Variants in GPC5 observed in about 807,000 individuals in gnomAD.
The protein encoded by GPC5 is glypican 5.
GPC5 carries 47 observed loss-of-function variants against 53.9 expected under a neutral mutation model. The ratio of observed to expected loss-of-function variants is 0.87; its 90% confidence interval spans 0.69 to 1.11. GPC5 has a LOEUF of 1.11. Among genes scored for constraint, GPC5 ranks in the 50% most tolerant of loss-of-function variants. GPC5 has a pLI of 0.00. For missense variants in GPC5, 748 were observed against 713.1 expected, an observed-to-expected ratio of 1.05 and a Z score of -0.56; for synonymous variants, 286 against 263.3, an observed-to-expected ratio of 1.09 and a Z score of -0.84.
intron 7 of GPC5, among the ~76,000 whole-genome samples, chr13:92,585,340 G>A (rs2139059181): frequency 6.6e-6 from 1 of 152,338 alleles, no homozygotes; most frequent in African/African-American, 2.4e-5. Context: ...TGGAGTCAAA[G>A]GAGATCATTT....
At chr13:91,443,935 A>G (rs1253582503) in intron 1 of GPC5, among the ~76,000 whole-genome samples, 6 of 152,216 alleles carry the variant, frequency 3.9e-5, no homozygotes, top group Non-Finnish European at 7.4e-5. Flanking sequence ...GAATTAGAAC[A>G]TTCCAAAATT....
intron 7 of GPC5, among the ~76,000 whole-genome samples, chr13:92,235,188 A>G (rs560589377): frequency 6.6e-6 from 1 of 152,050 alleles, no homozygotes; most frequent in Non-Finnish European, 1.5e-5. Flanking sequence ...CAGGATCTCT[A>G]TTTCTGCTAC....
At chr13:92,810,143 T>C (rs949393192) in intron 7 of GPC5, among the ~76,000 whole-genome samples, 2 of 152,064 alleles carry the variant, frequency 1.3e-5, no homozygotes, top group South Asian at 2.1e-4. Context: ...ATGGAGGTTA[T>C]TGAAAAACCC....
intron 7 of GPC5, among the ~76,000 whole-genome samples, chr13:92,476,254 A>T (rs1288729765): frequency 6.6e-6 from 1 of 152,234 alleles, no homozygotes; most frequent in African/African-American, 2.4e-5. Flanking sequence ...GACACTTCTC[A>T]AACAAAGACA....
At chr13:91,877,509 T>G (rs141989675) in intron 5 of GPC5, among the ~76,000 whole-genome samples, 5,349 of 152,296 alleles carry the variant, frequency 0.035, 131 homozygotes, top group Middle Eastern at 0.061. Context: ...GATTTCAGAC[T>G]TGCATGGGCC....
chr13:92,506,213 A>G (rs1594258582), intron 7 of GPC5, among the ~76,000 whole-genome samples: 1 of 152,308 alleles, frequency 6.6e-6, no homozygotes, highest in South Asian at 2.1e-4. Flanking sequence ...ATGAAAATGC[A>G]AAATAAAGGC....
intron 6 of GPC5, among the ~76,000 whole-genome samples, chr13:91,991,008 G>A (rs536868749): frequency 1.3e-5 from 2 of 152,106 alleles, no homozygotes; most frequent in Non-Finnish European, 2.9e-5. Flanking sequence ...AAATGGTAGC[G>A]GAAAGTGTGC....
chr13:92,284,809 G>A (rs1320649019), intron 7 of GPC5, among the ~76,000 whole-genome samples: 9 of 152,264 alleles, frequency 5.9e-5, no homozygotes, highest in South Asian at 2.1e-4. Flanking sequence ...AAAACTGGAA[G>A]CATTCCCTTT....
At chr13:92,198,727 G>C (rs983336072) in intron 7 of GPC5, among the ~76,000 whole-genome samples, 1 of 152,062 alleles carries the variant, frequency 6.6e-6, no homozygotes, top group Admixed American at 6.6e-5. Context: ...GTGGGCATTC[G>C]TACAATCTTT....
intron 2 of GPC5, among the ~76,000 whole-genome samples, chr13:91,639,775 T>C (rs1182181751): frequency 6.6e-6 from 1 of 152,252 alleles, no homozygotes; most frequent in African/African-American, 2.4e-5. Context: ...GGAGGACATA[T>C]AGTATTCAGG....
At chr13:92,002,280 G>T (rs543163963) in intron 6 of GPC5, among the ~76,000 whole-genome samples, 1 of 152,150 alleles carries the variant, frequency 6.6e-6, no homozygotes, top group African/African-American at 2.4e-5. Context: ...TACAAAAAGC[G>T]TATTAACTGT....
At chr13:92,524,103 A>G (rs1490138954) in intron 7 of GPC5, among the ~76,000 whole-genome samples, 4 of 152,206 alleles carry the variant, frequency 2.6e-5, no homozygotes, top group African/African-American at 9.6e-5. Context: ...AAAGTTTGCC[A>G]CATCAATTGA....
intron 2 of GPC5, among the ~76,000 whole-genome samples, chr13:91,635,245 C>T (rs566025167): frequency 6.6e-6 from 1 of 152,084 alleles, no homozygotes; most frequent in Admixed American, 6.5e-5. Context: ...CTAATATAAA[C>T]TCATGTAAAA....
At chr13:91,745,895 A>G (rs77363980) in intron 4 of GPC5, among the ~76,000 whole-genome samples, 1 of 152,162 alleles carries the variant, frequency 6.6e-6, no homozygotes, top group Non-Finnish European at 1.5e-5. Flanking sequence ...CCATCCGACT[A>G]TACAAGTTTA....
chr13:92,122,066 G>T (rs538250434), intron 6 of GPC5, among the ~76,000 whole-genome samples: 2 of 152,264 alleles, frequency 1.3e-5, no homozygotes, highest in South Asian at 4.1e-4. Context: ...CAGCAGCAAT[G>T]TTCCAAACAT....
rs1879807850 is a variant in GPC5, at chr13:92,492,547, AAAAC to A, written c.1561+347562_1561+347565del. Among the ~76,000 whole-genome samples, 3 of 152,198 alleles carry A rather than the reference AAAAC, an allele frequency of 2.0e-5. No homozygotes were observed. The East Asian group carries it at 5.8e-4, about 29-fold the overall frequency. The stretch of plus-strand genomic sequence containing the variant: ...AATCAAGAAATAAATAAATAAAAAT[AAAAC>A]AAAACAAAAAAAGTAACACATTAAT... On this transcript the variant is annotated intron_variant, in intron 7 of 7. Coordinates refer to ENST00000377067, the MANE Select transcript of GPC5 (RefSeq NM_004466.6).
chr13:92,206,482 G>C (rs540502712), intron 7 of GPC5, among the ~76,000 whole-genome samples: 56 of 151,498 alleles, frequency 3.7e-4, no homozygotes, highest in African/African-American at 1.4e-3. Flanking sequence ...CACCGCACCC[G>C]GCTGTCATGC....
At chr13:91,477,368 C>T (rs552687575) in intron 2 of GPC5, among the ~76,000 whole-genome samples, 1 of 152,066 alleles carries the variant, frequency 6.6e-6, no homozygotes, top group East Asian at 1.9e-4. Flanking sequence ...ACAGAAGAGT[C>T]CAAGATGCCC....
intron 7 of GPC5, among the ~76,000 whole-genome samples, chr13:92,413,544 C>G (rs951314161): frequency 1.3e-5 from 2 of 151,980 alleles, no homozygotes; most frequent in Non-Finnish European, 2.9e-5. Flanking sequence ...TTTTCGTAAA[C>G]CAAATTTTAG....
Sources: gnomAD v4.1 joint callset for allele counts (sites outside exome capture counted in the v4.1 genomes callset) on GRCh38, gnomAD v4.1.1 for gene constraint, MANE v1.5 for transcripts, NCBI Gene and HGNC (gene_info 2026-07-23, HGNC 2026-07-21) for gene names.